Variants in PHACTR1 observed in about 807,000 individuals in gnomAD.
PHACTR1 encodes RPEL repeat containing 1.
A neutral mutation model predicts 69.2 loss-of-function variants in PHACTR1; 16 were observed. The ratio of observed to expected loss-of-function variants is 0.23; its 90% CI spans 0.16 to 0.35. The LOEUF (loss-of-function observed/expected upper bound fraction) is 0.35. Among genes scored for constraint, PHACTR1 ranks in the 10% least tolerant of loss-of-function variants. PHACTR1 has a pLI of 1.00. For synonymous variants in PHACTR1, 312 were observed against 284.5 expected (o/e 1.10, Z -0.97); for missense variants, 510 against 734.7 (o/e 0.69, Z 3.54).
intron 4 of PHACTR1, among the ~76,000 whole-genome samples, chr6:13,040,786 T>C (rs2127711774): frequency 6.6e-6 from 1 of 152,332 alleles, no homozygotes; most frequent in South Asian, 2.1e-4. Flanking sequence ...AGAGTTTCCA[T>C]GTATTAATAT....
rs546374057 is a variant in PHACTR1 at position 13,094,654 on chromosome 6, C to T, written c.415+41125C>T. Among the ~76,000 whole-genome samples, 27 of 152,154 alleles carry T rather than the reference C, an allele frequency of 1.8e-4. No individual in the cohort carries two copies. The South Asian group carries it at 3.1e-3, about 18-fold the overall frequency. The stretch of plus-strand genomic sequence containing the variant: ...AGGAGACAGCTAAGGAGCCCAGGAA[C>T]GAGGCTGAAGGCGACAGAGATGGGA... On this transcript the variant is annotated intron_variant, in intron 5 of 14. Transcript: ENST00000332995.
intron 4 of PHACTR1, among the ~76,000 whole-genome samples, chr6:12,800,785 G>T (rs1773606092): frequency 6.6e-6 from 1 of 152,084 alleles, no homozygotes. Flanking sequence ...CTCTTTGGGA[G>T]GCTGAGGTCG....
At chr6:13,053,296 A>G (rs1806248468) in intron 4 of PHACTR1, 69 bp from the exon 5 acceptor site, 1 of 1,432,902 alleles carries the variant, frequency 7.0e-7, no homozygotes, top group East Asian at 2.5e-5. Context: ...AACGTTGGCC[A>G]TCTGTGAGGC....
At chr6:13,279,241 TCATTCCACATGAG>T (rs1167902957) in intron 12 of PHACTR1, 2 of 152,238 alleles carry the variant, frequency 1.3e-5, no homozygotes, top group Admixed American at 6.5e-5. Flanking sequence ...CGCATGCATC[TCATTCCACATGAG>T]TGTCCTCTTT....
At chr6:13,041,241 T>G (rs116716059) in intron 4 of PHACTR1, among the ~76,000 whole-genome samples, 1,734 of 152,134 alleles carry the variant, frequency 0.011, 29 homozygotes, top group African/African-American at 0.039. Context: ...AAGAATTCCT[T>G]GTGAAAGTCT....
intron 5 of PHACTR1, among the ~76,000 whole-genome samples, chr6:13,143,327 A>C (rs188128721): frequency 6.6e-6 from 1 of 152,366 alleles, no homozygotes; most frequent in African/African-American, 2.4e-5. Flanking sequence ...TTGAGGTGAT[A>C]GATACCCATT....
chr6:13,121,803 A>G (rs1001336129), intron 5 of PHACTR1, among the ~76,000 whole-genome samples: 1 of 152,166 alleles, frequency 6.6e-6, no homozygotes, highest in Non-Finnish European at 1.5e-5. Flanking sequence ...TCTTCATGGA[A>G]AGCAGGCTGT....
intron 10 of PHACTR1, among the ~76,000 whole-genome samples, chr6:13,248,598 A>T (rs1292637948): frequency 6.6e-6 from 1 of 152,220 alleles, no homozygotes; most frequent in East Asian, 1.9e-4. Flanking sequence ...GATCACGGTT[A>T]TCCTCATGTT....
rs145537788 is a variant in PHACTR1 at position 13,106,276 on chromosome 6, T to G, written c.415+52747T>G. Among the ~76,000 whole-genome samples the G allele has an allele frequency of 2.6e-5, 4 of 152,254 alleles. No homozygotes were observed. The East Asian group carries it at 7.7e-4, about 29-fold the overall frequency. On this transcript the variant is annotated intron_variant, in intron 5 of 14. Transcript: ENST00000332995. The stretch of plus-strand genomic sequence containing the variant: ...CCTTTCCAATCTGGATTCCTTTTAT[T>G]TATTTATTTTTATCTTGCTTGATTG...
intron 5 of PHACTR1, among the ~76,000 whole-genome samples, chr6:13,155,673 AG>A (rs1758067145): frequency 1.3e-5 from 2 of 152,192 alleles, no homozygotes; most frequent in African/African-American, 4.8e-5. Flanking sequence ...GCAGATCATG[AG>A]GTCAGGAGTT....
At chr6:13,029,558 A>C (rs1408457810) in intron 4 of PHACTR1, among the ~76,000 whole-genome samples, 1 of 152,228 alleles carries the variant, frequency 6.6e-6, no homozygotes, top group East Asian at 1.9e-4. Context: ...GGTAATTACT[A>C]GCTCTCAAGA....
intron 4 of PHACTR1, among the ~76,000 whole-genome samples, chr6:13,030,123 T>A (rs1377983305): frequency 6.6e-6 from 1 of 152,252 alleles, no homozygotes; most frequent in Non-Finnish European, 1.5e-5. Context: ...TTATTGTGGT[T>A]ACAAGTATTA....
chr6:12,985,541 AAT>A (rs70989819), intron 4 of PHACTR1, among the ~76,000 whole-genome samples: 1,548 of 132,720 alleles, frequency 0.012, 14 homozygotes, highest in African/African-American at 0.027. Context: ...AAAAAAAAAA[AAT>A]ATATATATAT....
At chr6:13,097,736 A>T (rs1351848839) in intron 5 of PHACTR1, among the ~76,000 whole-genome samples, 1 of 151,988 alleles carries the variant, frequency 6.6e-6, no homozygotes, top group Non-Finnish European at 1.5e-5. Context: ...TAGAATATTC[A>T]CTTTCCTTTT....
intron 5 of PHACTR1, among the ~76,000 whole-genome samples, chr6:13,146,020 G>C (rs2113392202): frequency 6.6e-6 from 1 of 152,292 alleles, no homozygotes; most frequent in Non-Finnish European, 1.5e-5. Flanking sequence ...CATATCCCTA[G>C]CTTGTAAGGC....
At chr6:12,991,316 G>C (rs1205110885) in intron 4 of PHACTR1, among the ~76,000 whole-genome samples, 1 of 152,162 alleles carries the variant, frequency 6.6e-6, no homozygotes, top group Non-Finnish European at 1.5e-5. Context: ...CCCAAGGGGT[G>C]GCCCTGGTTT....
At chr6:13,274,016 C>G (rs191763301) in intron 11 of PHACTR1, 2 of 151,278 alleles carry the variant, frequency 1.3e-5, no homozygotes, top group African/African-American at 4.9e-5. Context: ...ACCTTTCTAC[C>G]GTGCTCACTG....
At chr6:13,144,651 A>G (rs1343747012) in intron 5 of PHACTR1, among the ~76,000 whole-genome samples, 1 of 151,936 alleles carries the variant, frequency 6.6e-6, no homozygotes, top group Non-Finnish European at 1.5e-5. Flanking sequence ...CTGTAGTCCC[A>G]GCTGCTTGGG....
intron 4 of PHACTR1, among the ~76,000 whole-genome samples, chr6:12,826,100 T>C (rs1304662901): frequency 1.3e-5 from 2 of 152,190 alleles, no homozygotes; most frequent in Non-Finnish European, 2.9e-5. Flanking sequence ...TTTTTTCCCA[T>C]GGCTAACTCC....
Sources: gnomAD v4.1 joint callset for allele counts (sites outside exome capture counted in the v4.1 genomes callset) on GRCh38, gnomAD v4.1.1 for gene constraint, MANE v1.5 for transcripts, NCBI Gene and HGNC (gene_info 2026-07-23, HGNC 2026-07-21) for gene names.